Variants in AUTS2 observed in about 807,000 individuals in gnomAD.
The protein encoded by AUTS2 is autism susceptibility gene 2 protein.
In AUTS2, 17 loss-of-function variants were observed where a neutral mutation model predicts 112.4. The observed-to-expected ratio is 0.15, with a 90% CI of 0.10 to 0.23. AUTS2 has a LOEUF of 0.23. Among genes scored for constraint, AUTS2 ranks in the 10% least tolerant of loss-of-function variants. AUTS2 has a pLI of 1.00. For missense variants in AUTS2, 1,510 were observed against 1,701.6 expected (o/e 0.89, Z 1.98); for synonymous variants, 751 against 702.7 (o/e 1.07, Z -1.09).
chr7:70,725,508 A>T (rs914814303), intron 6 of AUTS2, among the ~76,000 whole-genome samples: 1 of 152,210 alleles, frequency 6.6e-6, no homozygotes, highest in Non-Finnish European at 1.5e-5. Context: ...TCAACACCAA[A>T]TGTACTTTCA....
chr7:69,816,911 G>A lies in AUTS2; in HGVS notation c.310-82375G>A, dbSNP rs554725515. Reference sequence around the variant, plus strand: ...GTTCAGCAAGTTCTTGGTGGCATGGGCTTTGAAGCCAGACAGCTGGGTCCC... The same window carrying A: ...GTTCAGCAAGTTCTTGGTGGCATGGACTTTGAAGCCAGACAGCTGGGTCCC... On this transcript the variant is annotated intron_variant, in intron 1 of 18. Coordinates refer to ENST00000342771, the MANE Select transcript of AUTS2 (RefSeq NM_015570.4). Among the ~76,000 whole-genome samples, 22 of 152,288 alleles carry A rather than the reference G, an allele frequency of 1.4e-4. No individual in the cohort carries two copies. In the South Asian group the frequency reaches 4.6e-3, roughly 32 times the overall value.
chr7:69,620,740 A>T (rs888524889), intron 1 of AUTS2, among the ~76,000 whole-genome samples: 2 of 152,198 alleles, frequency 1.3e-5, no homozygotes, highest in African/African-American at 2.4e-5. Context: ...GGGTGTGGGA[A>T]GGTGGGTGGA....
chr7:69,685,767 A>G (rs1359491693), intron 1 of AUTS2, among the ~76,000 whole-genome samples: 1 of 149,080 alleles, frequency 6.7e-6, no homozygotes, highest in East Asian at 2.0e-4. Context: ...TATGTTGCTC[A>G]GGCTGGTCTG....
At chr7:69,816,394 G>T (rs1055366027) in intron 1 of AUTS2, among the ~76,000 whole-genome samples, 2 of 152,136 alleles carry the variant, frequency 1.3e-5, no homozygotes, top group Admixed American at 1.3e-4. Context: ...TCAGATTTTT[G>T]TCTAGGACGG....
chr7:70,037,330 A>G (rs6961682), intron 2 of AUTS2, among the ~76,000 whole-genome samples: 16,759 of 152,246 alleles, frequency 0.11, 1,439 homozygotes, highest in African/African-American at 0.24. Flanking sequence ...CATGAGGACT[A>G]TAGTGAATCA....
At chr7:69,614,318 T>TTG in intron 1 of AUTS2, among the ~76,000 whole-genome samples, 1 of 51,046 alleles carries the variant, frequency 2.0e-5, no homozygotes, top group South Asian at 7.8e-4. Flanking sequence ...CTCCGTCTCT[T>TTG]TCTTTCTTTC....
rs1791090442 is a variant in AUTS2, at chr7:70,781,658, A to C, written c.2048A>C (p.Lys683Thr). 1.2e-6 allele frequency: 2 copies of C among 1,614,182 alleles called. No individual in the cohort carries two copies. Among genetic ancestry groups the C allele is most frequent in the Non-Finnish European group, 1.7e-6 (2 of 1,180,022 alleles). The change falls in exon 15 of 19, where the codon AAA becomes ACA. Residue 683 changes from lysine (K) to threonine (T), a missense_variant. This residue lies in a region of AUTS2 where 187 missense variants were observed against 309.7 expected (regional missense o/e 0.60). Coordinates refer to ENST00000342771, the MANE Select transcript of AUTS2 (RefSeq NM_015570.4). The stretch of plus-strand genomic sequence containing the variant: ...CCACATAAGCTGGACTTTGGACTGA[A>C]ACCTGAGTTCCTGAGCCGCCCTCCA... ...SDPHKLDFGL[K>T]PEFLSRPPGP...
At chr7:70,406,522 C>A (rs918043162) in intron 4 of AUTS2, among the ~76,000 whole-genome samples, 1 of 152,216 alleles carries the variant, frequency 6.6e-6, no homozygotes. Flanking sequence ...CCGGTTACAT[C>A]TGTTGAGAAG....
intron 1 of AUTS2, among the ~76,000 whole-genome samples, chr7:69,816,186 C>G (rs980156463): frequency 2.6e-5 from 4 of 152,208 alleles, no homozygotes; most frequent in African/African-American, 9.7e-5. Context: ...CCGTGGGAGA[C>G]AGGCTTCTTG....
chr7:69,599,474 T>G lies in AUTS2; in HGVS notation c.-180T>G. ...TCCCCTCTCTCCGCCCCTTCCCCCT[T>G]TTCTTTCTCCTCTCTTTCTTCCCCT... On this transcript the variant is annotated 5_prime_UTR_variant, in exon 1 of 19. Coordinates refer to ENST00000342771, the MANE Select transcript of AUTS2 (RefSeq NM_015570.4). The surrounding 1 kb of genome is among the most constrained non-coding windows in gnomAD (Gnocchi z 7.0). 11 of 476,200 alleles carry G rather than the reference T, an allele frequency of 2.3e-5. No homozygotes were observed. The highest frequency in any genetic ancestry group is 3.6e-5 in the Non-Finnish European group (11 of 308,756). The allele number at this position is 476,200 out of a possible 1,614,324, so 29.5% of individuals were successfully genotyped here. A position where few individuals can be genotyped will look rare whatever the true frequency, so the allele number is the denominator to read the frequency against.
chr7:70,617,332 C>A (rs2129535767), intron 5 of AUTS2, among the ~76,000 whole-genome samples: 1 of 152,318 alleles, frequency 6.6e-6, no homozygotes, highest in Admixed American at 6.5e-5. Flanking sequence ...TTAGTGGGAT[C>A]TGACCTCCAG....
chr7:70,498,616 C>T (rs1397713124), intron 5 of AUTS2, among the ~76,000 whole-genome samples: 1 of 152,082 alleles, frequency 6.6e-6, no homozygotes, highest in Non-Finnish European at 1.5e-5. Context: ...ATTTTAAATG[C>T]CAGTCAGCTG....
intron 4 of AUTS2, among the ~76,000 whole-genome samples, chr7:70,147,205 T>C (rs1180222428): frequency 6.6e-6 from 1 of 151,440 alleles, no homozygotes; most frequent in Admixed American, 6.6e-5. Context: ...TGTACTCCCA[T>C]CTAGGCAATA....
intron 1 of AUTS2, among the ~76,000 whole-genome samples, chr7:69,602,496 G>C (rs1792490603): frequency 6.6e-6 from 1 of 152,066 alleles, no homozygotes. Context: ...CCAGGTTTGA[G>C]AACTACCAAC....
intron 4 of AUTS2, among the ~76,000 whole-genome samples, chr7:70,393,594 C>T (rs896384032): frequency 6.6e-6 from 1 of 152,074 alleles, no homozygotes; most frequent in African/African-American, 2.4e-5. Context: ...TTGATCTGGT[C>T]CTCTGTCCTT....
At position 69,869,600 on chromosome 7, in the gene AUTS2, A is replaced by G. The variant is rs567079413; in HGVS notation, c.310-29686A>G. On this transcript the variant is annotated intron_variant, in intron 1 of 18. Transcript: ENST00000342771. ...TTGAAAAATATTGGATAAGCAAATA[A>G]ATTTGTGGTATTCTTGGGGAATCTT... Among the ~76,000 whole-genome samples the G allele has an allele frequency of 2.6e-5, 4 of 152,100 alleles. No homozygotes were observed. In the East Asian group the frequency reaches 7.7e-4, roughly 29 times the overall value.
intron 4 of AUTS2, among the ~76,000 whole-genome samples, chr7:70,143,699 G>A (rs745613608): frequency 2.0e-5 from 3 of 152,178 alleles, no homozygotes; most frequent in African/African-American, 4.8e-5. Context: ...AAATCCAGAT[G>A]TAGGGATTGT....
rs77757636 is a variant in AUTS2 at position 70,402,254 on chromosome 7, C to T, written c.661-33498C>T. Among the ~76,000 whole-genome samples, 615 of 152,328 alleles carry T rather than the reference C, an allele frequency of 4.0e-3. 5 individuals carry two copies. Among genetic ancestry groups the T allele is most frequent in the African/African-American group, 0.014 (583 of 41,568 alleles). ...TATCAACCCAGGAAATAAAGAATTACGCAGAGATGCTATTTATGCTGCTAT... is the reference window on the plus strand; with the variant it reads ...TATCAACCCAGGAAATAAAGAATTATGCAGAGATGCTATTTATGCTGCTAT... On this transcript the variant is annotated intron_variant, in intron 4 of 18. Transcript: ENST00000342771.
chr7:70,008,439 A>T (rs952168655), intron 2 of AUTS2, among the ~76,000 whole-genome samples: 2 of 152,110 alleles, frequency 1.3e-5, no homozygotes, highest in Admixed American at 6.6e-5. Context: ...CTGTGGTGGC[A>T]TTCTTTATTA....
Sources: gnomAD v4.1 joint callset for allele counts (sites outside exome capture counted in the v4.1 genomes callset) on GRCh38, gnomAD v4.1.1 for gene constraint, gnomAD v4.1.1 regional missense constraint, Gnocchi (gnomAD v3.1) non-coding constraint, MANE v1.5 for transcripts, NCBI Gene and HGNC (gene_info 2026-07-23, HGNC 2026-07-21) for gene names.